Variants in CHD9NB observed in about 807,000 individuals in gnomAD.
CHD9NB encodes CHD9 neighbor protein.
chr16:53,046,228 C>T, the CHD9NB span, among the ~76,000 whole-genome samples: 1 of 151,976 alleles, frequency 6.6e-6, no homozygotes, highest in Non-Finnish European at 1.5e-5. Context: ...TTGAAGCCTC[C>T]AAATTAATCA....
the CHD9NB span, among the ~76,000 whole-genome samples, chr16:53,041,294 T>G: frequency 4.6e-5 from 7 of 152,256 alleles, no homozygotes; most frequent in Non-Finnish European, 7.3e-5. Flanking sequence ...CCAGGCACTT[T>G]AGAAATTCTC....
At chr16:53,044,295 C>G in the CHD9NB span, 1 of 396,996 alleles carries the variant, frequency 2.5e-6, no homozygotes, top group Non-Finnish European at 4.4e-6. Flanking sequence ...GTTTCTATGG[C>G]CACAAGGAGA....
At chr16:53,051,303 TAAAC>T in the CHD9NB span, among the ~76,000 whole-genome samples, 1 of 152,004 alleles carries the variant, frequency 6.6e-6, no homozygotes, top group Admixed American at 6.6e-5. Context: ...AAAACAAAAG[TAAAC>T]AAAATTTTCC....
chr16:53,044,135 G>C, the CHD9NB span: 6 of 398,632 alleles, frequency 1.5e-5, no homozygotes, highest in African/African-American at 6.2e-5. Flanking sequence ...CCACCGTGGT[G>C]CTCTTGCTGG....
chr16:53,040,329 C>T, the CHD9NB span, among the ~76,000 whole-genome samples: 2 of 152,118 alleles, frequency 1.3e-5, no homozygotes, highest in African/African-American at 4.8e-5. Flanking sequence ...CCACCGTGGC[C>T]TCCCAAAGTG....
the CHD9NB span, among the ~76,000 whole-genome samples, chr16:53,039,798 C>T: frequency 8.6e-5 from 13 of 151,898 alleles, no homozygotes; most frequent in Non-Finnish European, 1.5e-4. Context: ...TTTCTACACC[C>T]GCCCTTGAAC....
At chr16:53,036,341 G>A in the CHD9NB span, among the ~76,000 whole-genome samples, 8 of 152,278 alleles carry the variant, frequency 5.3e-5, 1 homozygote, top group East Asian at 9.7e-4. Context: ...TGAATGTTCC[G>A]TGAGCAGAAG....
chr16:53,039,145 T>G, the CHD9NB span, among the ~76,000 whole-genome samples: 1 of 152,190 alleles, frequency 6.6e-6, no homozygotes, highest in Non-Finnish European at 1.5e-5. Context: ...TGGATCTGAT[T>G]TACTCAGATC....
chr16:53,049,032 AT>A, the CHD9NB span, among the ~76,000 whole-genome samples: 2 of 152,060 alleles, frequency 1.3e-5, no homozygotes, highest in African/African-American at 4.8e-5. Context: ...TGTTTATATT[AT>A]TTTTTAATAG....
chr16:53,045,381 G>A, the CHD9NB span, among the ~76,000 whole-genome samples: 1 of 152,176 alleles, frequency 6.6e-6, no homozygotes, highest in Non-Finnish European at 1.5e-5. Context: ...CATGGGTAAA[G>A]GTTTTTGCAG....
the CHD9NB span, chr16:53,044,354 G>C: frequency 2.5e-6 from 1 of 392,730 alleles, no homozygotes; most frequent in African/African-American, 2.1e-5. Context: ...AGGGCCTGGA[G>C]AGCTGCCCTT....
the CHD9NB span, among the ~76,000 whole-genome samples, chr16:53,036,971 C>T: frequency 6.6e-6 from 1 of 151,946 alleles, no homozygotes; most frequent in African/African-American, 2.4e-5. Context: ...GAGTCTTGCT[C>T]TGTCACCAGG....
chr16:53,038,777 G>A, the CHD9NB span, among the ~76,000 whole-genome samples: 1 of 152,126 alleles, frequency 6.6e-6, no homozygotes, highest in African/African-American at 2.4e-5. Flanking sequence ...TTACAGCCAA[G>A]GAGCAAGTTG....
chr16:53,043,886 C>T, the CHD9NB span: 2 of 397,678 alleles, frequency 5.0e-6, no homozygotes, highest in South Asian at 2.8e-4. Flanking sequence ...AAGCTGGAGG[C>T]TTTCTCTCTC....
chr16:53,049,138 C>A, the CHD9NB span, among the ~76,000 whole-genome samples: 1 of 152,126 alleles, frequency 6.6e-6, no homozygotes, highest in Non-Finnish European at 1.5e-5. Context: ...GGATTACAGG[C>A]ATGAGCCACT....
At chr16:53,040,415 C>T in the CHD9NB span, among the ~76,000 whole-genome samples, 1 of 152,122 alleles carries the variant, frequency 6.6e-6, no homozygotes, top group Non-Finnish European at 1.5e-5. Context: ...CCTCCCTGTC[C>T]CTGTGCCGTG....
chr16:53,052,076 A>G, the CHD9NB span, among the ~76,000 whole-genome samples: 1,078 of 151,760 alleles, frequency 7.1e-3, 21 homozygotes, highest in African/African-American at 0.025. Context: ...TAAATTGTCA[A>G]TCTAAAATCC....
chr16:53,041,308 C>T, the CHD9NB span, among the ~76,000 whole-genome samples: 1 of 152,220 alleles, frequency 6.6e-6, no homozygotes, highest in Non-Finnish European at 1.5e-5. Context: ...AATTCTCGAA[C>T]CTCAAAGGGA....
At chr16:53,049,926 G>A in the CHD9NB span, among the ~76,000 whole-genome samples, 84 of 152,174 alleles carry the variant, frequency 5.5e-4, no homozygotes, top group Admixed American at 1.6e-3. Flanking sequence ...TCCTGCGACC[G>A]GGCACGGTGG....
Sources: gnomAD v4.1 joint callset for allele counts (sites outside exome capture counted in the v4.1 genomes callset) on GRCh38, gnomAD v4.1.1 for gene constraint, MANE v1.5 for transcripts, NCBI Gene and HGNC (gene_info 2026-07-23, HGNC 2026-07-21) for gene names.